Variants in PEAK1 observed in about 807,000 individuals in gnomAD.
The protein encoded by PEAK1 is pseudopodium enriched atypical kinase 1.
PEAK1 carries 54 observed loss-of-function variants against 124.7 expected under a neutral mutation model. The observed-to-expected ratio is 0.43, with a 90% CI of 0.35 to 0.54. The LOEUF is 0.54. Among genes scored for constraint, PEAK1 ranks in the 20% least tolerant of loss-of-function variants. The pLI, the probability that PEAK1 is intolerant of heterozygous loss-of-function variation, is 0.01. For synonymous variants in PEAK1, 719 were observed against 760.0 expected (o/e 0.95, Z 0.89); for missense variants, 2,046 against 2,134.5 (o/e 0.96, Z 0.82).
intron 1 of PEAK1, among the ~76,000 whole-genome samples, chr15:77,381,860 A>G (rs1416181960): frequency 6.6e-6 from 1 of 152,218 alleles, no homozygotes; most frequent in Non-Finnish European, 1.5e-5. Context: ...AGAATCTAAG[A>G]ACCTAATTGT....
rs969997189 is a variant in PEAK1, at chr15:77,286,499, C to A, written c.-597G>T. 64 of 1,226,132 alleles carry A rather than the reference C, an allele frequency of 5.2e-5. No individual in the cohort carries two copies. Among genetic ancestry groups the A allele is most frequent in the Non-Finnish European group, 5.6e-5 (55 of 983,246 alleles). The allele number at this position is 1,226,132 out of a possible 1,614,324, so 76.0% of individuals were successfully genotyped here. A position where few individuals can be genotyped will look rare whatever the true frequency, so the allele number is the denominator to read the frequency against. On this transcript the variant is annotated 5_prime_UTR_variant, in exon 3 of 10. Coordinates refer to ENST00000682557, the MANE Select transcript of PEAK1 (RefSeq NM_001385026.1). Reference sequence around the variant, plus strand: ...TCCTTACAAATGGATCTCAAGTATTCTTTTCCTATTAGAAGATGCAAAGTG... The same window carrying A: ...TCCTTACAAATGGATCTCAAGTATTATTTTCCTATTAGAAGATGCAAAGTG...
At chr15:77,387,206 A>G (rs1197992044) in intron 1 of PEAK1, among the ~76,000 whole-genome samples, 1 of 152,172 alleles carries the variant, frequency 6.6e-6, no homozygotes, top group East Asian at 1.9e-4. Flanking sequence ...TGCTCCCTTA[A>G]ATTAATAAGT....
intron 2 of PEAK1, among the ~76,000 whole-genome samples, chr15:77,325,639 C>T (rs1258521211): frequency 1.3e-5 from 2 of 151,900 alleles, no homozygotes; most frequent in East Asian, 3.9e-4. Flanking sequence ...TAAGTGCTAC[C>T]TTTCTATTTT....
At chr15:77,278,456 G>A (rs946697293) in intron 5 of PEAK1, 20 of 466,844 alleles carry the variant, frequency 4.3e-5, no homozygotes, top group East Asian at 1.2e-4. Flanking sequence ...CTACCACATC[G>A]CCAGCACCAT....
chr15:77,128,812 A>T (rs764418260), intron 9 of PEAK1, among the ~76,000 whole-genome samples: 1 of 152,174 alleles, frequency 6.6e-6, no homozygotes, highest in Non-Finnish European at 1.5e-5. Context: ...CCCATATCTG[A>T]TTTAGATGAT....
intron 6 of PEAK1, among the ~76,000 whole-genome samples, chr15:77,236,563 G>A (rs1265469308): frequency 6.6e-6 from 1 of 152,146 alleles, no homozygotes; most frequent in Non-Finnish European, 1.5e-5. Context: ...GATGGAACTT[G>A]CCTTGTCTCA....
chr15:77,299,461 C>A (rs1019142947), intron 2 of PEAK1, among the ~76,000 whole-genome samples: 1 of 152,134 alleles, frequency 6.6e-6, no homozygotes, highest in African/African-American at 2.4e-5. Context: ...GACAAATTAA[C>A]AATGATACAT....
In PEAK1 at chr15:77,252,478, C is replaced by A; in HGVS notation, c.-226G>T. The A allele has an allele frequency of 1.0e-6, 1 of 984,970 alleles. No individual in the cohort carries two copies. Among genetic ancestry groups the A allele is most frequent in the Non-Finnish European group, 1.2e-6 (1 of 829,636 alleles). 61.0% of individuals were successfully genotyped at this position (984,970 alleles called of 1,614,324 possible). On this transcript the variant is annotated 5_prime_UTR_variant, in exon 6 of 10. In the 5' UTR this introduces an upstream ATG that the reference lacks. Transcript: ENST00000682557. ...TTTGGGTCTTTCCAAGATGAATGTC[C>A]TTTCTTCCTTGCCTCTCATTCCTTA...
Position 77,179,127 on chromosome 15 carries a change from G to T in PEAK1, c.2800C>A (p.Arg934Ser), listed in dbSNP as rs761934344. The T allele has an allele frequency of 6.2e-7, 1 of 1,614,114 alleles. No homozygotes were observed. The highest frequency in any genetic ancestry group is 1.7e-5 in the Admixed American group (1 of 60,006). ...TCATCCTCCTCATCTGTTTTCCGAC[G>T]GCGGAAGAAGCTTTTAAATGATATC... Reference protein sequence around the residue: ...RWISFKSFFRRRKTDEEDDKE... With the variant: ...RWISFKSFFRSRKTDEEDDKE... The change falls in exon 7 of 10, where the codon CGT becomes AGT. Residue 934 changes from arginine to serine, a missense_variant. Transcript: ENST00000682557.
chr15:77,133,891 A>C lies in PEAK1; in HGVS notation c.3332-141T>G. 1 of 974,370 alleles carries C rather than the reference A, an allele frequency of 1.0e-6. No individual in the cohort carries two copies. Among genetic ancestry groups the C allele is most frequent in the Non-Finnish European group, 1.4e-6 (1 of 691,168 alleles). The allele number at this position is 974,370 out of a possible 1,614,324, so 60.4% of individuals were successfully genotyped here. ...CAACTCTTTAGTTCAAAATGGGAAA[A>C]GAGAACAACCAAAGAACAAATACCT... On this transcript the variant is annotated intron_variant, in intron 8 of 9. Coordinates refer to ENST00000682557, the MANE Select transcript of PEAK1 (RefSeq NM_001385026.1). The surrounding 1 kb of genome is among the most constrained non-coding windows in gnomAD (Gnocchi z 4.2).
chr15:77,151,687 A>G (rs531933940), intron 8 of PEAK1, among the ~76,000 whole-genome samples: 5,065 of 152,184 alleles, frequency 0.033, 280 homozygotes, highest in African/African-American at 0.11. Flanking sequence ...TAATTTTTGT[A>G]TAAGGTGTAA....
chr15:77,381,321 G>A (rs190101036), intron 1 of PEAK1: 26 of 825,896 alleles, frequency 3.1e-5, no homozygotes, highest in East Asian at 1.2e-4. Flanking sequence ...AGACTGAGGC[G>A]AAAGCACTGC....
chr15:77,150,608 C>T (rs1319107043), intron 8 of PEAK1, among the ~76,000 whole-genome samples: 1 of 151,704 alleles, frequency 6.6e-6, no homozygotes, highest in Non-Finnish European at 1.5e-5. Flanking sequence ...GTGTGCTGCA[C>T]CCATTAACTT....
At chr15:77,268,893 A>C (rs1410253105) in intron 5 of PEAK1, among the ~76,000 whole-genome samples, 1 of 152,136 alleles carries the variant, frequency 6.6e-6, no homozygotes, top group East Asian at 1.9e-4. Flanking sequence ...ATCAGCCAAG[A>C]ATTTTGTATG....
chr15:77,122,968 C>T (rs142560213), intron 9 of PEAK1, among the ~76,000 whole-genome samples: 5 of 152,240 alleles, frequency 3.3e-5, no homozygotes, highest in African/African-American at 7.2e-5. Context: ...ATGAGATAAA[C>T]GGAGACTCTG....
intron 6 of PEAK1, among the ~76,000 whole-genome samples, chr15:77,224,279 A>C (rs1321638214): frequency 6.6e-6 from 1 of 152,036 alleles, no homozygotes; most frequent in Non-Finnish European, 1.5e-5. Flanking sequence ...AAAAGGGCTG[A>C]AAAAAGGTTG....
intron 3 of PEAK1, 146 bp downstream of exon 3, chr15:77,286,277 G>A: frequency 2.5e-6 from 1 of 399,558 alleles, no homozygotes; most frequent in Non-Finnish European, 4.3e-6. Flanking sequence ...TTTGAAAAGA[G>A]CATGTCTTAT....
chr15:77,145,243 G>A (rs955140936), intron 8 of PEAK1, among the ~76,000 whole-genome samples: 3 of 152,194 alleles, frequency 2.0e-5, no homozygotes, highest in African/African-American at 7.2e-5. Context: ...GAGCTCAGAA[G>A]TTCGAGACCA....
At chr15:77,263,107 C>T (rs372780781) in intron 5 of PEAK1, among the ~76,000 whole-genome samples, 86 of 152,050 alleles carry the variant, frequency 5.7e-4, no homozygotes, top group African/African-American at 1.6e-3. Context: ...CAAAGCAGTG[C>T]GTAGAGGGAA....
Sources: allele counts gnomAD v4.1 joint callset (sites outside exome capture counted in the v4.1 genomes callset), GRCh38; gene constraint gnomAD v4.1.1; non-coding constraint Gnocchi (gnomAD v3.1); transcripts MANE v1.5; gene names NCBI Gene and HGNC (gene_info 2026-07-23, HGNC 2026-07-21).